CMTM4: variants seen among roughly 807,000 people sequenced by gnomAD.
CMTM4 encodes CKLF-like MARVEL transmembrane domain-containing protein 4.
A neutral mutation model predicts 19.0 loss-of-function variants in CMTM4; 8 were observed. That is an observed-to-expected ratio of 0.42 (90% confidence interval 0.25 to 0.76). The LOEUF is 0.76. Among genes scored for constraint, CMTM4 ranks in the 30% least tolerant of loss-of-function variants. The probability of loss-of-function intolerance (pLI) is 0.27; values close to 1 mark genes in which losing one functional copy is unlikely to be tolerated. For missense variants in CMTM4, 228 were observed against 290.2 expected, an observed-to-expected ratio of 0.79 and a Z score of 1.56; for synonymous variants, 106 against 121.1, an observed-to-expected ratio of 0.88 and a Z score of 0.82.
chr16:66,656,172 C>T (rs1352609944), intron 1 of CMTM4, among the ~76,000 whole-genome samples: 2 of 151,910 alleles, frequency 1.3e-5, no homozygotes, highest in Non-Finnish European at 2.9e-5. Context: ...GAAAAAAATC[C>T]AAACTCATGA....
chr16:66,612,891 A>C, downstream of CMTM4: 2 of 614,414 alleles, frequency 3.3e-6, no homozygotes, highest in Non-Finnish European at 5.8e-6. The surrounding 1 kb of genome is among the most constrained non-coding windows in gnomAD (Gnocchi z 6.0). Context: ...TCTGTCCCAC[A>C]GGCCTTCAGC....
intron 1 of CMTM4, among the ~76,000 whole-genome samples, chr16:66,643,256 T>C (rs1022396594): frequency 4.6e-5 from 7 of 152,088 alleles, no homozygotes; most frequent in African/African-American, 1.4e-4. Context: ...TAACTGGAAG[T>C]TGAGTGAGGG....
Position 66,696,238 on chromosome 16 carries a change from G to T in CMTM4, c.186+102C>A. On this transcript the variant is annotated intron_variant, in intron 1 of 3. Coordinates refer to ENST00000394106, the MANE Select transcript of CMTM4 (RefSeq NM_181521.3). This position sits in a 1 kb window ranked among gnomAD's most constrained non-coding sequence, Gnocchi z 4.3. ...GAGGGGGCGCGAGGAGCGGGCTCCGGCCTGGGCAAGCGGGTACGCGGCGGA... is the reference window on the plus strand; with the variant it reads ...GAGGGGGCGCGAGGAGCGGGCTCCGTCCTGGGCAAGCGGGTACGCGGCGGA... 2 of 848,642 alleles carry T rather than the reference G, an allele frequency of 2.4e-6. No homozygotes were observed. The highest frequency in any genetic ancestry group is 4.4e-5 in the South Asian group (1 of 22,840). 52.6% of individuals were successfully genotyped at this position (848,642 alleles called of 1,614,324 possible).
Position 66,618,601 on chromosome 16 carries a change from G to A in CMTM4, c.*3457C>T. The A allele has an allele frequency of 2.0e-6, 2 of 985,508 alleles. No individual in the cohort carries two copies. The highest frequency in any genetic ancestry group is 3.5e-5 in the African/African-American group (2 of 57,378). The allele number at this position is 985,508 out of a possible 1,614,324, so 61.0% of individuals were successfully genotyped here. On this transcript the variant is annotated 3_prime_UTR_variant, in exon 4 of 4. Coordinates refer to ENST00000394106, the MANE Select transcript of CMTM4 (RefSeq NM_181521.3). The stretch of plus-strand genomic sequence containing the variant: ...GCAGGACATGGCACCCACTAGGGTT[G>A]TTCAGGTCTCATTCACTGCAAGCAA...
At chr16:66,688,755 G>C (rs1251450180) in intron 1 of CMTM4, among the ~76,000 whole-genome samples, 2 of 152,108 alleles carry the variant, frequency 1.3e-5, no homozygotes, top group Non-Finnish European at 2.9e-5. Flanking sequence ...ACTATATTGA[G>C]TTTTCCAATC....
intron 2 of CMTM4, among the ~76,000 whole-genome samples, chr16:66,632,548 G>A (rs1195969720): frequency 1.3e-5 from 2 of 152,162 alleles, no homozygotes; most frequent in Non-Finnish European, 2.9e-5. Context: ...TTAGGAGAGG[G>A]GGAAGTAGAG....
At chr16:66,646,551 A>G (rs1172525254) in intron 1 of CMTM4, among the ~76,000 whole-genome samples, 2 of 152,122 alleles carry the variant, frequency 1.3e-5, no homozygotes, top group South Asian at 4.1e-4. Context: ...GCCCGCTTTC[A>G]TGTTCCAAAA....
intron 1 of CMTM4, among the ~76,000 whole-genome samples, chr16:66,693,310 C>G (rs79803006): frequency 0.036 from 5,426 of 152,216 alleles, 190 homozygotes; most frequent in East Asian, 0.15. Context: ...ACAGTGGCTA[C>G]TCCGAGGCAC....
intron 1 of CMTM4, among the ~76,000 whole-genome samples, chr16:66,650,073 T>C (rs2144838278): frequency 6.6e-6 from 1 of 151,812 alleles, no homozygotes; most frequent in East Asian, 1.9e-4. Context: ...AGAGGGAGGG[T>C]CAATGAGGGC....
chr16:66,603,719 G>T, the CMTM4 span, among the ~76,000 whole-genome samples: 1 of 152,122 alleles, frequency 6.6e-6, no homozygotes, highest in Non-Finnish European at 1.5e-5. Context: ...GCTCTCCCCC[G>T]GCTGCCCAGA....
intron 1 of CMTM4, among the ~76,000 whole-genome samples, chr16:66,657,696 T>C (rs910398038): frequency 5.9e-5 from 9 of 152,222 alleles, no homozygotes; most frequent in Non-Finnish European, 1.2e-4. Context: ...TTAAATGACA[T>C]GTATCAAATC....
chr16:66,645,798 G>A (rs941255479), intron 1 of CMTM4, among the ~76,000 whole-genome samples: 12 of 152,090 alleles, frequency 7.9e-5, no homozygotes, highest in South Asian at 4.1e-4. Context: ...GACCTATATC[G>A]TGAAACCCTG....
intron 2 of CMTM4, among the ~76,000 whole-genome samples, chr16:66,626,425 C>T (rs1369113431): frequency 1.3e-5 from 2 of 152,026 alleles, no homozygotes; most frequent in Non-Finnish European, 2.9e-5. Flanking sequence ...GGCAATATGG[C>T]GAAACCCCAT....
intron 2 of CMTM4, among the ~76,000 whole-genome samples, chr16:66,632,618 G>GC (rs1189080613): frequency 1.1e-4 from 16 of 152,122 alleles, no homozygotes; most frequent in Non-Finnish European, 2.4e-4. Context: ...GGGCTCTGGG[G>GC]CCAGTTGAGT....
rs1222425985 is a variant in CMTM4, at chr16:66,618,314, G to C, written c.*3744C>G. ...TAAACAAGATCTGGAGAAGATGACA[G>C]TCAGGCAGTGGCACAAAGACTTCAT... On this transcript the variant is annotated 3_prime_UTR_variant, in exon 4 of 4. Coordinates refer to ENST00000394106, the MANE Select transcript of CMTM4 (RefSeq NM_181521.3). The C allele has an allele frequency of 5.1e-6, 5 of 985,336 alleles. No individual in the cohort carries two copies. Among genetic ancestry groups the C allele is most frequent in the Non-Finnish European group, 6.0e-6 (5 of 829,936 alleles). The allele number at this position is 985,336 out of a possible 1,614,324, so 61.0% of individuals were successfully genotyped here.
chr16:66,688,351 AGGGAGCAT>A (rs1474440589), intron 1 of CMTM4, among the ~76,000 whole-genome samples: 5 of 152,192 alleles, frequency 3.3e-5, no homozygotes, highest in Non-Finnish European at 4.4e-5. Context: ...ACGCTGAGCT[AGGGAGCAT>A]GGTGGGCTCA....
chr16:66,612,700 G>T (rs2015426542), downstream of CMTM4: 3 of 1,545,088 alleles, frequency 1.9e-6, no homozygotes, highest in South Asian at 3.4e-5. The surrounding 1 kb of genome is among the most constrained non-coding windows in gnomAD (Gnocchi z 6.0). Flanking sequence ...CCTCACAGGG[G>T]TCGCTGGCGT....
intron 1 of CMTM4, among the ~76,000 whole-genome samples, chr16:66,657,717 C>T (rs1262623314): frequency 6.6e-6 from 1 of 151,984 alleles, no homozygotes; most frequent in Non-Finnish European, 1.5e-5. Flanking sequence ...TGTAAAAATC[C>T]ACGAGTTTGG....
At chr16:66,668,498 C>T (rs2016645618) in intron 1 of CMTM4, among the ~76,000 whole-genome samples, 1 of 151,898 alleles carries the variant, frequency 6.6e-6, no homozygotes, top group South Asian at 2.1e-4. Flanking sequence ...TTTTGTTGAT[C>T]CTAAAGTAAA....
Sources: allele counts gnomAD v4.1 joint callset (sites outside exome capture counted in the v4.1 genomes callset), GRCh38; gene constraint gnomAD v4.1.1; non-coding constraint Gnocchi (gnomAD v3.1); transcripts MANE v1.5; gene names NCBI Gene and HGNC (gene_info 2026-07-23, HGNC 2026-07-21).